The following SLCO1C1 variants were observed in gnomAD, a reference collection of about 807,000 sequenced individuals.
SLCO1C1 encodes the protein solute carrier organic anion transporter family member 1C1.
SLCO1C1 carries 70 observed loss-of-function variants against 76.4 expected under a neutral mutation model. The observed-to-expected ratio is 0.92, with a 90% CI of 0.76 to 1.12. SLCO1C1 has a LOEUF of 1.12. Ranked by LOEUF, SLCO1C1 falls within the 50% of genes most tolerant of loss-of-function variation. The pLI is 0.00. For missense variants in SLCO1C1, 912 were observed against 823.8 expected (o/e 1.11, Z -1.31); for synonymous variants, 306 against 286.1 (o/e 1.07, Z -0.70).
intron 13 of SLCO1C1, among the ~76,000 whole-genome samples, chr12:20,746,490 C>T (rs1374779678): frequency 6.7e-6 from 1 of 149,306 alleles, no homozygotes; most frequent in African/African-American, 2.4e-5. Context: ...AAAAAAAAAT[C>T]CTGCCTTGTA....
chr12:20,709,489 T>C (rs1488909061), intron 4 of SLCO1C1, among the ~76,000 whole-genome samples: 1 of 152,204 alleles, frequency 6.6e-6, no homozygotes, highest in Non-Finnish European at 1.5e-5. Context: ...TTCAATAGTC[T>C]TGAAGCATCA....
At chr12:20,698,127 G>A (rs542256008) in intron 1 of SLCO1C1, among the ~76,000 whole-genome samples, 9 of 151,860 alleles carry the variant, frequency 5.9e-5, no homozygotes, top group African/African-American at 1.9e-4. Flanking sequence ...TTCAACATTC[G>A]ATGCATCTTT....
intron 5 of SLCO1C1, among the ~76,000 whole-genome samples, chr12:20,714,326 G>T (rs1947266426): frequency 6.6e-6 from 1 of 152,222 alleles, no homozygotes; most frequent in African/African-American, 2.4e-5. Context: ...CAGCAGTGAT[G>T]ATTGTTGGAG....
Position 20,701,391 on chromosome 12 carries a change from C to A in SLCO1C1, c.203C>A (p.Thr68Asn). ...LAEGYLKSTI[T>N]QIERRFDIPS... is the part of the protein sequence containing the mutation. ...GAAGGCTATCTGAAGAGCACCATCA[C>A]TCAGATAGAGAGAAGGTTTGATATC... The change falls in exon 3 of 15, where the codon ACT becomes AAT. Residue 68 changes from threonine (T) to asparagine (N), a missense_variant. Transcript: ENST00000266509. The A allele has an allele frequency of 6.4e-7, 1 of 1,556,596 alleles. No homozygotes were observed. The highest frequency in any genetic ancestry group is 8.8e-7 in the Non-Finnish European group (1 of 1,138,544).
chr12:20,699,918 C>T (rs1946442017), intron 2 of SLCO1C1: 1 of 394,980 alleles, frequency 2.5e-6, no homozygotes, highest in Non-Finnish European at 4.4e-6. Flanking sequence ...ATTTAAATGC[C>T]CCCCCAAACA....
chr12:20,723,227 T>G lies in SLCO1C1; in HGVS notation c.1159T>G (p.Ser387Ala). 6.2e-7 allele frequency: 1 copy of G among 1,613,932 alleles called. No homozygotes were observed. The highest frequency in any genetic ancestry group is 8.5e-7 in the Non-Finnish European group (1 of 1,179,914). ...GTACATTGAGCAGCAGTATGGACAG[T>G]CATCCTCCAGGGCCAACTTTGTGAT... The part of the protein sequence containing the change: ...PKYIEQQYGQ[S>A]SSRANFVIGL... The change falls in exon 9 of 15, where the codon TCA (serine) becomes GCA (alanine). Residue 387 changes from serine to alanine, a missense_variant. By Grantham distance (99) the Ser-to-Ala change is moderately conservative. Coordinates refer to ENST00000266509, the MANE Select transcript of SLCO1C1 (RefSeq NM_017435.5).
chr12:20,739,962 A>G (rs1428405190), intron 11 of SLCO1C1, among the ~76,000 whole-genome samples: 5 of 152,190 alleles, frequency 3.3e-5, no homozygotes, highest in Non-Finnish European at 7.3e-5. Flanking sequence ...AGATTGTTGT[A>G]CAGGATTAGT....
intron 4 of SLCO1C1, among the ~76,000 whole-genome samples, chr12:20,710,654 T>C (rs572282597): frequency 6.6e-6 from 1 of 152,314 alleles, no homozygotes; most frequent in East Asian, 1.9e-4. Flanking sequence ...CTTGGTGCTA[T>C]GCTAGTAAGC....
intron 11 of SLCO1C1, among the ~76,000 whole-genome samples, chr12:20,739,694 G>A (rs1029070292): frequency 2.6e-5 from 4 of 152,304 alleles, no homozygotes; most frequent in African/African-American, 9.6e-5. Flanking sequence ...AGTGTAAACT[G>A]TTATAAGGAT....
At chr12:20,707,310 C>G (rs2120648265) in intron 4 of SLCO1C1, among the ~76,000 whole-genome samples, 1 of 152,110 alleles carries the variant, frequency 6.6e-6, no homozygotes, top group Admixed American at 6.6e-5. Flanking sequence ...AAATGGGTCT[C>G]CAACCTGCCT....
intron 13 of SLCO1C1, among the ~76,000 whole-genome samples, chr12:20,749,290 C>T (rs913024638): frequency 3.3e-5 from 5 of 151,882 alleles, no homozygotes; most frequent in Admixed American, 2.6e-4. Context: ...ACTCAAATGC[C>T]GGAAACAACC....
At position 20,721,323 on chromosome 12, in the gene SLCO1C1, G is replaced by C. The variant is rs151013977; in HGVS notation, c.776-481G>C. 7.8e-4 allele frequency among the ~76,000 whole-genome samples: 119 copies of C among 152,284 alleles called. 1 individual carries two copies. The highest frequency in any genetic ancestry group is 2.4e-3 in the African/African-American group (100 of 41,558). The stretch of plus-strand genomic sequence containing the variant: ...CATCATTTTCTTATGTTCATACATT[G>C]CCACAGTCATTTCAACCTCCAACAA... On this transcript the variant is annotated intron_variant, in intron 7 of 14. Transcript: ENST00000266509.
In SLCO1C1 at chr12:20,723,094, TC is replaced by T. The variant is rs1234313227; in HGVS notation, c.1027del (p.Leu343PhefsTer4). 6.2e-7 allele frequency: 1 copy of T among 1,602,000 alleles called. No individual in the cohort carries two copies. Among genetic ancestry groups the T allele is most frequent in the South Asian group, 1.1e-5 (1 of 88,640 alleles). ...TATGTTATTTTTGTTTTACAGATTTTCTTCCATCACTGAAGAATCTTTTTGG... is the reference window on the plus strand; with the variant it reads ...TATGTTATTTTTGTTTTACAGATTTTTTCCATCACTGAAGAATCTTTTTGG... ...AKIMEMARDF[L>X]PSLKNLFGNP... On this transcript the variant is annotated frameshift_variant, in exon 9 of 15. Coordinates refer to ENST00000266509, the MANE Select transcript of SLCO1C1 (RefSeq NM_017435.5). LOFTEE classifies it high-confidence loss of function.
intron 4 of SLCO1C1, among the ~76,000 whole-genome samples, chr12:20,706,437 C>T (rs550862318): frequency 6.6e-6 from 1 of 152,172 alleles, no homozygotes; most frequent in Admixed American, 6.5e-5. Flanking sequence ...ACAATAAATT[C>T]TGGATTATGG....
In SLCO1C1 at chr12:20,715,245, G is replaced by A. The variant is rs1220377777; in HGVS notation, c.636G>A (p.Leu212=). 2 of 1,613,840 alleles carry A rather than the reference G, an allele frequency of 1.2e-6. No homozygotes were observed. Among genetic ancestry groups the A allele is most frequent in the Non-Finnish European group, 1.7e-6 (2 of 1,179,914 alleles). The change falls in exon 6 of 15, where the codon CTG becomes CTA. Residue 212 remains leucine (L), a synonymous_variant. Coordinates refer to ENST00000266509, the MANE Select transcript of SLCO1C1 (RefSeq NM_017435.5). ...TPIQPLGIAY[L]DDFASEDNAA... is the part of the protein sequence containing the mutation. The stretch of plus-strand genomic sequence containing the variant: ...TTCAGCCTTTGGGCATTGCCTACCT[G>A]GATGATTTTGCCAGTGAAGACAATG...
chr12:20,750,602 G>C (rs1949254683), intron 13 of SLCO1C1, 73 bp from the exon 14 acceptor site: 2 of 1,339,208 alleles, frequency 1.5e-6, no homozygotes, highest in South Asian at 2.5e-5. Flanking sequence ...TAAAGTAAGT[G>C]GTTTCAGATA....
intron 13 of SLCO1C1, among the ~76,000 whole-genome samples, chr12:20,749,105 A>G (rs1027767804): frequency 1.3e-5 from 2 of 152,210 alleles, no homozygotes; most frequent in Non-Finnish European, 2.9e-5. Flanking sequence ...CTTTACATAG[A>G]AAATATTTTC....
intron 4 of SLCO1C1, among the ~76,000 whole-genome samples, chr12:20,710,335 G>A (rs1033568785): frequency 1.3e-5 from 2 of 150,436 alleles, no homozygotes; most frequent in Non-Finnish European, 2.9e-5. Flanking sequence ...AGCCTCCCAA[G>A]TAGCTGGGAG....
chr12:20,715,214 C>T lies in SLCO1C1; in HGVS notation c.605C>T (p.Thr202Ile). ...LGNLLRGIGE[T>I]PIQPLGIAYL... ...AATCTTCTTCGTGGAATAGGAGAAA[C>T]TCCCATTCAGCCTTTGGGCATTGCC... The change falls in exon 6 of 15, where the codon ACT (threonine) becomes ATT (isoleucine). Residue 202 changes from threonine (T) to isoleucine (I), a missense_variant. Physicochemically the swap from Thr to Ile is moderately conservative, Grantham distance 89 (BLOSUM62 -1). Coordinates refer to ENST00000266509, the MANE Select transcript of SLCO1C1 (RefSeq NM_017435.5). 1.9e-6 allele frequency: 3 copies of T among 1,614,090 alleles called. No homozygotes were observed. Among genetic ancestry groups the T allele is most frequent in the East Asian group, 2.2e-5 (1 of 44,854 alleles).
Sources: gnomAD v4.1 joint callset for allele counts (sites outside exome capture counted in the v4.1 genomes callset) on GRCh38, gnomAD v4.1.1 for gene constraint, MANE v1.5 for transcripts, NCBI Gene and HGNC (gene_info 2026-07-23, HGNC 2026-07-21) for gene names.